The following RAPGEF5 variants were observed in gnomAD, a reference collection of about 807,000 sequenced individuals.
RAPGEF5 encodes the protein M-Ras-regulated GEF.
RAPGEF5 carries 65 observed loss-of-function variants against 125.2 expected under a neutral mutation model. That is an observed-to-expected ratio of 0.52 (90% CI 0.43 to 0.64). RAPGEF5 has a LOEUF of 0.64. RAPGEF5 is among the 30% of genes least tolerant of loss of function. The pLI is 0.00. For synonymous variants in RAPGEF5, 391 were observed against 385.9 expected (o/e 1.01, Z -0.16); for missense variants, 958 against 1,048.1 (o/e 0.91, Z 1.19).
At chr7:22,171,873 TG>T (rs1784360033) in intron 11 of RAPGEF5, among the ~76,000 whole-genome samples, 1 of 152,238 alleles carries the variant, frequency 6.6e-6, no homozygotes, top group Non-Finnish European at 1.5e-5. Context: ...AATAAATTTT[TG>T]GGACTATCCT....
intron 6 of RAPGEF5, among the ~76,000 whole-genome samples, chr7:22,281,062 A>C: frequency 6.6e-6 from 1 of 152,218 alleles, no homozygotes; most frequent in Admixed American, 6.5e-5. Flanking sequence ...AAACATGAAT[A>C]AAATGATAGT....
chr7:22,320,271 G>A (rs1238626102), intron 1 of RAPGEF5, among the ~76,000 whole-genome samples: 1 of 152,136 alleles, frequency 6.6e-6, no homozygotes, highest in Non-Finnish European at 1.5e-5. Flanking sequence ...GAGCTTTGTG[G>A]AACTCAGTCA....
chr7:22,290,699 C>A (rs577969673), intron 6 of RAPGEF5, among the ~76,000 whole-genome samples: 35 of 149,528 alleles, frequency 2.3e-4, no homozygotes, highest in African/African-American at 7.9e-4. Context: ...GAGCCGAGAT[C>A]CCGCCGCTGC....
At chr7:22,226,411 C>T (rs1201582820) in intron 8 of RAPGEF5, among the ~76,000 whole-genome samples, 1 of 152,072 alleles carries the variant, frequency 6.6e-6, no homozygotes, top group African/African-American at 2.4e-5. Flanking sequence ...ATTTTGAAAA[C>T]AGAAAATATT....
intron 13 of RAPGEF5, among the ~76,000 whole-genome samples, 196 bp downstream of exon 13, chr7:22,162,201 C>A (rs1784022329): frequency 3.7e-5 from 1 of 26,934 alleles, no homozygotes; most frequent in African/African-American, 1.3e-4. Context: ...CATTAGCAAT[C>A]AAAATTTCCA....
intron 25 of RAPGEF5, 180 bp downstream of exon 25, chr7:22,125,424 G>T: frequency 1.8e-6 from 1 of 567,228 alleles, no homozygotes; most frequent in Non-Finnish European, 3.1e-6. Context: ...GTCTTCCTCT[G>T]CATCCCCAAC....
chr7:22,334,034 A>AAGAGAGCTGCTAATG (rs1163726094), intron 1 of RAPGEF5, among the ~76,000 whole-genome samples: 15 of 145,362 alleles, frequency 1.0e-4, no homozygotes, highest in Non-Finnish European at 2.1e-4. Flanking sequence ...GGACAGTGTT[A>AAGAGAGCTGCTAATG]AGAGAGCTGC....
intron 7 of RAPGEF5, among the ~76,000 whole-genome samples, chr7:22,244,330 C>T (rs1404380975): frequency 1.3e-5 from 2 of 152,140 alleles, no homozygotes; most frequent in African/African-American, 4.8e-5. Context: ...ACGCCACGGA[C>T]TGGTGCTGAT....
At chr7:22,257,494 C>G (rs548891150) in intron 7 of RAPGEF5, among the ~76,000 whole-genome samples, 1 of 152,312 alleles carries the variant, frequency 6.6e-6, no homozygotes, top group African/African-American at 2.4e-5. Flanking sequence ...CTTGTCCTTG[C>G]TCACTATTGT....
intron 25 of RAPGEF5, among the ~76,000 whole-genome samples, chr7:22,124,554 C>A (rs1448723790): frequency 1.3e-5 from 2 of 152,100 alleles, no homozygotes; most frequent in South Asian, 4.1e-4. Flanking sequence ...CAGCCTAGAC[C>A]AGCACTGAAC....
intron 11 of RAPGEF5, among the ~76,000 whole-genome samples, chr7:22,174,949 C>T (rs540932007): frequency 5.9e-5 from 9 of 152,058 alleles, no homozygotes; most frequent in Non-Finnish European, 1.2e-4. Flanking sequence ...GGAGCCAGTA[C>T]CTAAAGAGGA....
intron 6 of RAPGEF5, among the ~76,000 whole-genome samples, chr7:22,273,615 C>T (rs1031678587): frequency 6.6e-6 from 1 of 152,142 alleles, no homozygotes; most frequent in Non-Finnish European, 1.5e-5. Flanking sequence ...CATTTAAAGA[C>T]TAATATATGT....
intron 1 of RAPGEF5, chr7:22,356,202 A>AC (rs1224016705): frequency 2.0e-6 from 2 of 985,374 alleles, no homozygotes; most frequent in East Asian, 2.3e-4. Context: ...TCGTATCTGA[A>AC]CACACCATCA....
At chr7:22,297,577 C>G (rs977850100) in intron 5 of RAPGEF5, among the ~76,000 whole-genome samples, 1 of 152,208 alleles carries the variant, frequency 6.6e-6, no homozygotes, top group Non-Finnish European at 1.5e-5. Flanking sequence ...TCCTTAGACT[C>G]CTTAACGAAC....
chr7:22,283,935 T>C (rs1483428263), intron 6 of RAPGEF5, among the ~76,000 whole-genome samples: 1 of 152,138 alleles, frequency 6.6e-6, no homozygotes, highest in African/African-American at 2.4e-5. Flanking sequence ...GGCAATCCAG[T>C]ATGTATCATC....
chr7:22,127,986 T>G (rs530216659), intron 24 of RAPGEF5, among the ~76,000 whole-genome samples: 1 of 152,208 alleles, frequency 6.6e-6, no homozygotes, highest in Non-Finnish European at 1.5e-5. Context: ...TGTGCATGTA[T>G]TGTTCAGTTT....
chr7:22,256,286 T>G (rs973147600), intron 7 of RAPGEF5, among the ~76,000 whole-genome samples: 4 of 152,214 alleles, frequency 2.6e-5, no homozygotes, highest in Non-Finnish European at 5.9e-5. Context: ...AAATTCCCTT[T>G]TTGGTTTTCA....
chr7:22,237,248 C>T (rs997185092), intron 7 of RAPGEF5, among the ~76,000 whole-genome samples: 1 of 152,044 alleles, frequency 6.6e-6, no homozygotes, highest in South Asian at 2.1e-4. Flanking sequence ...ACACAAATAT[C>T]TGTCTTTGCT....
chr7:22,296,596 A>T (rs1009243419), intron 5 of RAPGEF5, among the ~76,000 whole-genome samples: 4 of 152,054 alleles, frequency 2.6e-5, no homozygotes, highest in Non-Finnish European at 5.9e-5. Flanking sequence ...CCAATAAAAA[A>T]AAGTGGTTAT....
Sources: gnomAD v4.1 joint callset for allele counts (sites outside exome capture counted in the v4.1 genomes callset) on GRCh38, gnomAD v4.1.1 for gene constraint, MANE v1.5 for transcripts, NCBI Gene and HGNC (gene_info 2026-07-23, HGNC 2026-07-21) for gene names.